CCDC148: variants seen among roughly 807,000 people sequenced by gnomAD.
The protein encoded by CCDC148 is coiled-coil domain-containing protein 148.
A neutral mutation model predicts 85.7 loss-of-function variants in CCDC148; 89 were observed. The observed-to-expected ratio is 1.04, with a 90% CI of 0.87 to 1.24. The LOEUF (loss-of-function observed/expected upper bound fraction) is 1.24. CCDC148 is among the 50% of genes most tolerant of loss of function. CCDC148 has a pLI of 0.00. For missense variants in CCDC148, 692 were observed against 671.7 expected (o/e 1.03, Z -0.33); for synonymous variants, 230 against 213.9 (o/e 1.08, Z -0.66).
At chr2:158,209,699 T>C (rs1169349098) in intron 11 of CCDC148, among the ~76,000 whole-genome samples, 1 of 152,212 alleles carries the variant, frequency 6.6e-6, no homozygotes, top group African/African-American at 2.4e-5. Context: ...CAGAATTTCA[T>C]ATCCAGCCAA....
At chr2:158,270,122 G>A (rs1403109353) in intron 9 of CCDC148, among the ~76,000 whole-genome samples, 1 of 152,092 alleles carries the variant, frequency 6.6e-6, no homozygotes, top group Non-Finnish European at 1.5e-5. Flanking sequence ...GAATCATAAG[G>A]AGATATATGA....
chr2:158,383,566 AT>A (rs144230562), intron 1 of CCDC148, among the ~76,000 whole-genome samples: 8,751 of 152,048 alleles, frequency 0.058, 474 homozygotes, highest in African/African-American at 0.14. Context: ...TGAAAGAAAA[AT>A]TTTTTTCTTT....
In CCDC148 at chr2:158,220,317, T is replaced by C. The variant is rs6732439; in HGVS notation, c.1370+278A>G. Among the ~76,000 whole-genome samples, 19,323 of 152,176 alleles carry C rather than the reference T, an allele frequency of 0.13. 1,544 individuals are homozygous for C. Among genetic ancestry groups the C allele is most frequent in the African/African-American group, 0.24 (9,757 of 41,478 alleles). On this transcript the variant is annotated intron_variant, in intron 11 of 13. Coordinates refer to ENST00000283233, the MANE Select transcript of CCDC148 (RefSeq NM_138803.4). ...ATAGTTACAGCAGCAGCCAGTATCA[T>C]TTTATGCACACAGTGGGTAATCAAA...
At position 158,220,637 on chromosome 2, in the gene CCDC148, A is replaced by G. The variant is rs1344172927; in HGVS notation, c.1328T>C (p.Leu443Pro). Reference sequence around the variant, plus strand: ...TGACTGTTCAGCGATTAATTTCTTCAGTTCTTCTAGACGCTGAAGATCTCT... The same window carrying G: ...TGACTGTTCAGCGATTAATTTCTTCGGTTCTTCTAGACGCTGAAGATCTCT... ...EMRDLQRLEE[L>P]KKLIAEQSLK... Residue 443 changes from leucine (L) to proline (P), a missense_variant, in exon 11 of 14, where the codon CTG becomes CCG. By Grantham distance (98) the Leu-to-Pro change is moderately conservative (BLOSUM62 -3). Transcript: ENST00000283233. 6.2e-7 allele frequency: 1 copy of G among 1,601,602 alleles called. No individual in the cohort carries two copies. The highest frequency in any genetic ancestry group is 8.5e-7 in the Non-Finnish European group (1 of 1,177,204).
At chr2:158,401,807 C>T (rs1432468490) in intron 1 of CCDC148, among the ~76,000 whole-genome samples, 10 of 151,996 alleles carry the variant, frequency 6.6e-5, no homozygotes, top group Non-Finnish European at 1.5e-4. Flanking sequence ...AGGGAGAGGG[C>T]AGGGCAAAGG....
intron 9 of CCDC148, among the ~76,000 whole-genome samples, chr2:158,308,105 A>C (rs1691784559): frequency 6.6e-6 from 1 of 152,248 alleles, no homozygotes; most frequent in African/African-American, 2.4e-5. Context: ...CAAAACTTCA[A>C]TATTAACATC....
chr2:158,421,541 G>A (rs1024811731), intron 1 of CCDC148, among the ~76,000 whole-genome samples: 1 of 152,160 alleles, frequency 6.6e-6, no homozygotes, highest in African/African-American at 2.4e-5. Context: ...TGAAACCAAT[G>A]AGAACAAAGA....
At chr2:158,194,555 G>T (rs1385030512) in intron 11 of CCDC148, among the ~76,000 whole-genome samples, 1 of 152,120 alleles carries the variant, frequency 6.6e-6, no homozygotes, top group African/African-American at 2.4e-5. Context: ...TCCTGGGCCT[G>T]CCCTAGGCTC....
At chr2:158,347,375 C>G (rs980085980) in intron 2 of CCDC148, among the ~76,000 whole-genome samples, 4 of 151,916 alleles carry the variant, frequency 2.6e-5, no homozygotes. Context: ...CTAGACAATT[C>G]CAATATTTTG....
intron 3 of CCDC148, among the ~76,000 whole-genome samples, chr2:158,341,781 C>A (rs1026729144): frequency 2.0e-5 from 3 of 151,640 alleles, no homozygotes; most frequent in Admixed American, 2.0e-4. Flanking sequence ...TATAAAAAAG[C>A]AGCAATTATA....
At chr2:158,256,493 A>C (rs1385977937) in intron 9 of CCDC148, among the ~76,000 whole-genome samples, 2 of 151,844 alleles carry the variant, frequency 1.3e-5, no homozygotes, top group African/African-American at 4.8e-5. Flanking sequence ...AATAATAATA[A>C]TTAAACATTA....
At chr2:158,291,544 A>C (rs1023738438) in intron 9 of CCDC148, among the ~76,000 whole-genome samples, 1 of 152,126 alleles carries the variant, frequency 6.6e-6, no homozygotes, top group African/African-American at 2.4e-5. Flanking sequence ...CCAAGCTACC[A>C]ATCCTATCCT....
At position 158,191,271 on chromosome 2, in the gene CCDC148, C is replaced by G. The variant is rs777333930; in HGVS notation, c.1371-12275G>C. Reference sequence around the variant, plus strand: ...GTTTGAAAAATCCCCATTACATTCTCTTTCTTCCTTCCCAGATCTCTCAGA... The same window carrying G: ...GTTTGAAAAATCCCCATTACATTCTGTTTCTTCCTTCCCAGATCTCTCAGA... On this transcript the variant is annotated intron_variant, in intron 11 of 13. Transcript: ENST00000283233. 3.9e-5 allele frequency among the ~76,000 whole-genome samples: 6 copies of G among 152,138 alleles called. 1 individual carries two copies. In the Middle Eastern group the frequency reaches 0.01, roughly 259 times the overall value.
At chr2:158,439,316 GTCCTTT>G (rs1687824893) in intron 1 of CCDC148, among the ~76,000 whole-genome samples, 1 of 151,952 alleles carries the variant, frequency 6.6e-6, no homozygotes, top group Admixed American at 6.6e-5. Context: ...ATGAGTTCAT[GTCCTTT>G]GTAGGGACAT....
chr2:158,182,110 A>T (rs1390072123), intron 11 of CCDC148, among the ~76,000 whole-genome samples: 1 of 152,142 alleles, frequency 6.6e-6, no homozygotes, highest in Non-Finnish European at 1.5e-5. Context: ...GGGAACTCAC[A>T]TGAGAAACAG....
At chr2:158,367,500 T>C (rs1002315535) in intron 1 of CCDC148, among the ~76,000 whole-genome samples, 1 of 152,180 alleles carries the variant, frequency 6.6e-6, no homozygotes, top group African/African-American at 2.4e-5. Context: ...TGAAACAAAA[T>C]AGGATTTTGC....
chr2:158,435,047 C>T (rs1053331454), intron 1 of CCDC148, among the ~76,000 whole-genome samples: 2 of 152,202 alleles, frequency 1.3e-5, no homozygotes, highest in African/African-American at 4.8e-5. Flanking sequence ...AGTTGGAAAA[C>T]ACTCTGCAGG....
At chr2:158,389,551 A>T (rs187400552) in intron 1 of CCDC148, among the ~76,000 whole-genome samples, 1 of 152,298 alleles carries the variant, frequency 6.6e-6, no homozygotes, top group East Asian at 1.9e-4. Flanking sequence ...ATGTCGTCAC[A>T]AACTAATTAA....
chr2:158,432,300 G>A (rs116058100), intron 1 of CCDC148, among the ~76,000 whole-genome samples: 1 of 151,354 alleles, frequency 6.6e-6, no homozygotes, highest in Non-Finnish European at 1.5e-5. Flanking sequence ...AAAGGTAAAT[G>A]ACATAAATAC....
Sources: allele counts gnomAD v4.1 joint callset (sites outside exome capture counted in the v4.1 genomes callset), GRCh38; gene constraint gnomAD v4.1.1; transcripts MANE v1.5; gene names NCBI Gene and HGNC (gene_info 2026-07-23, HGNC 2026-07-21).